The following HMGN3 variants were observed in gnomAD, a reference collection of about 807,000 sequenced individuals.
HMGN3 encodes high mobility group nucleosome-binding domain-containing protein 3.
HMGN3 carries 6 observed loss-of-function variants against 18.8 expected under a neutral mutation model. The observed-to-expected ratio is 0.32, with a 90% CI of 0.18 to 0.63. HMGN3 has a LOEUF of 0.63. HMGN3 is among the 30% of genes least tolerant of loss of function. HMGN3 has a pLI of 0.79. For missense variants in HMGN3, 107 were observed against 114.2 expected, an observed-to-expected ratio of 0.94 and a Z score of 0.29; for synonymous variants, 40 against 36.5, an observed-to-expected ratio of 1.10 and a Z score of -0.35.
At chr6:79,207,723 G>A (rs946336868) in intron 3 of HMGN3, among the ~76,000 whole-genome samples, 2 of 152,254 alleles carry the variant, frequency 1.3e-5, no homozygotes, top group South Asian at 2.1e-4. Context: ...ATTGTATCAG[G>A]CACAGATTTG....
chr6:79,230,212 T>C (rs909925451), intron 1 of HMGN3, among the ~76,000 whole-genome samples: 2 of 152,198 alleles, frequency 1.3e-5, no homozygotes, highest in Non-Finnish European at 2.9e-5. Flanking sequence ...TCATTTCTTT[T>C]AAATAAAATT....
At chr6:79,202,233 A>G (rs1197647841) in intron 5 of HMGN3, 43 bp downstream of exon 5, 1 of 1,613,486 alleles carries the variant, frequency 6.2e-7, no homozygotes, top group Non-Finnish European at 8.5e-7. Context: ...AAATTTCTTT[A>G]AAGACACTGA....
At chr6:79,214,736 AAAC>A (rs1478873697) in intron 2 of HMGN3, among the ~76,000 whole-genome samples, 5 of 152,216 alleles carry the variant, frequency 3.3e-5, no homozygotes, top group Admixed American at 1.3e-4. Flanking sequence ...GTAGAAACAT[AAAC>A]AACACAGTAA....
chr6:79,222,405 T>C (rs1023755325), intron 1 of HMGN3, among the ~76,000 whole-genome samples: 1 of 152,182 alleles, frequency 6.6e-6, no homozygotes, highest in Non-Finnish European at 1.5e-5. Flanking sequence ...CCTAACTCTG[T>C]CGCTCTTCAG....
At chr6:79,227,416 A>T (rs1777616726) in intron 1 of HMGN3, among the ~76,000 whole-genome samples, 1 of 152,092 alleles carries the variant, frequency 6.6e-6, no homozygotes, top group Admixed American at 6.6e-5. Context: ...GCTCCCTACT[A>T]CTCACTGCGT....
At chr6:79,214,834 T>C (rs1482632866) in intron 2 of HMGN3, 138 bp downstream of exon 2, 1 of 611,186 alleles carries the variant, frequency 1.6e-6, no homozygotes, top group Non-Finnish European at 2.8e-6. Context: ...CTCTTTCAGG[T>C]AGTCTTAACA....
intron 1 of HMGN3, among the ~76,000 whole-genome samples, chr6:79,232,168 T>C (rs1275506422): frequency 6.6e-6 from 1 of 152,228 alleles, no homozygotes; most frequent in Non-Finnish European, 1.5e-5. Flanking sequence ...TGTAAATGCT[T>C]TGGCAGTTAC....
intron 1 of HMGN3, among the ~76,000 whole-genome samples, chr6:79,228,342 A>T (rs1294599185): frequency 6.6e-6 from 1 of 152,242 alleles, no homozygotes; most frequent in East Asian, 1.9e-4. Context: ...ATGAATGTTT[A>T]ACATGGAGCA....
At chr6:79,216,623 CCTT>C (rs1315375140) in intron 1 of HMGN3, among the ~76,000 whole-genome samples, 1 of 152,210 alleles carries the variant, frequency 6.6e-6, no homozygotes, top group Non-Finnish European at 1.5e-5. Flanking sequence ...CTCCGTGGAA[CCTT>C]CTCAATTATG....
rs1438725815 is a variant in HMGN3, at chr6:79,202,162, TA to T, written c.261+113del. The stretch of plus-strand genomic sequence containing the variant: ...TTGAGCGAGAGATGTGGATCTGCAA[TA>T]ACATTACAGGCAATAAAAAGAGACA... On this transcript the variant is annotated intron_variant, in intron 5 of 5. Coordinates refer to ENST00000344726, the Ensembl canonical transcript of HMGN3. 6.3e-7 allele frequency: 1 copy of T among 1,594,056 alleles called. No individual in the cohort carries two copies. Among genetic ancestry groups the T allele is most frequent in the Admixed American group, 1.7e-5 (1 of 58,138 alleles).
At chr6:79,212,219 G>A (rs527928396) in intron 2 of HMGN3, among the ~76,000 whole-genome samples, 111 of 152,238 alleles carry the variant, frequency 7.3e-4, no homozygotes, top group African/African-American at 2.6e-3. Context: ...TTTGGAACAG[G>A]AGATGCAGAT....
chr6:79,204,939 T>A (rs1776342817), intron 3 of HMGN3, among the ~76,000 whole-genome samples: 1 of 152,228 alleles, frequency 6.6e-6, no homozygotes, highest in Non-Finnish European at 1.5e-5. Flanking sequence ...TATACATGTT[T>A]TCTCCATTTA....
intron 1 of HMGN3, among the ~76,000 whole-genome samples, chr6:79,223,227 C>T (rs1421265355): frequency 3.3e-5 from 5 of 152,052 alleles, no homozygotes; most frequent in Non-Finnish European, 7.4e-5. Flanking sequence ...AAAATACACA[C>T]AAGGCTAGGT....
chr6:79,215,842 T>A (rs1465811794), intron 1 of HMGN3, among the ~76,000 whole-genome samples: 1 of 152,236 alleles, frequency 6.6e-6, no homozygotes, highest in Non-Finnish European at 1.5e-5. Flanking sequence ...ACTAAACTAC[T>A]TAGAAAACTA....
At chr6:79,221,625 A>T (rs1028677887) in intron 1 of HMGN3, among the ~76,000 whole-genome samples, 1 of 152,052 alleles carries the variant, frequency 6.6e-6, no homozygotes, top group East Asian at 1.9e-4. Flanking sequence ...CTCCCTCCAA[A>T]CTCAAGAAGG....
At chr6:79,234,484 T>G (rs1778045999) in intron 1 of HMGN3, 62 bp downstream of exon 1, 1 of 1,544,144 alleles carries the variant, frequency 6.5e-7, no homozygotes, top group Non-Finnish European at 8.9e-7. Flanking sequence ...GCCATTGCAA[T>G]GCCAGCATTT....
At chr6:79,225,912 A>G (rs4706756) in intron 1 of HMGN3, among the ~76,000 whole-genome samples, 138,767 of 152,244 alleles carry the variant, frequency 0.91, 63,791 homozygotes, top group East Asian at 1. Context: ...TTTCTACAAC[A>G]GGCATTTAGA....
chr6:79,215,242 T>C (rs1055735327), intron 1 of HMGN3, among the ~76,000 whole-genome samples: 1 of 152,184 alleles, frequency 6.6e-6, no homozygotes, highest in African/African-American at 2.4e-5. Flanking sequence ...AAAGCAGAAA[T>C]GGTGAAAGAA....
At chr6:79,225,940 A>G (rs1287610358) in intron 1 of HMGN3, among the ~76,000 whole-genome samples, 2 of 152,238 alleles carry the variant, frequency 1.3e-5, no homozygotes, top group African/African-American at 4.8e-5. Context: ...GCACCAGCCT[A>G]TATTGTAATA....
Sources: gnomAD v4.1 joint callset for allele counts (sites outside exome capture counted in the v4.1 genomes callset) on GRCh38, gnomAD v4.1.1 for gene constraint, MANE v1.5 for transcripts, NCBI Gene and HGNC (gene_info 2026-07-23, HGNC 2026-07-21) for gene names.